The following RBFOX1 variants were observed in gnomAD, a reference collection of about 807,000 sequenced individuals.
The protein encoded by RBFOX1 is RNA binding protein fox-1 homolog 1.
RBFOX1 carries 8 observed loss-of-function variants against 57.7 expected under a neutral mutation model. The observed-to-expected ratio is 0.14, with a 90% CI of 0.08 to 0.25. The LOEUF (loss-of-function observed/expected upper bound fraction) is 0.25. RBFOX1 is among the 10% of genes least tolerant of loss of function. The pLI is 1.00. For missense variants in RBFOX1, 611 were observed against 548.5 expected, an observed-to-expected ratio of 1.11 and a Z score of -1.14; for synonymous variants, 326 against 222.4, an observed-to-expected ratio of 1.47 and a Z score of -4.15.
intron 2 of RBFOX1, among the ~76,000 whole-genome samples, chr16:6,431,900 T>TTGCTTGCTTG (rs1567258053): frequency 0.074 from 5,232 of 70,708 alleles, 100 homozygotes; most frequent in Admixed American, 0.088. Context: ...TTGCTTGCTT[T>TTGCTTGCTTG]CTTTCTTTCT....
At position 6,357,550 on chromosome 16, in the gene RBFOX1, G is replaced by C. The variant is rs536695825; in HGVS notation, c.-64+40493G>C. ...CTAGGTGGAGGTCGTCTGCACAAGCGCTCTCTCTCTTGCTTGCTCTCTCTC... is the reference window on the plus strand; with the variant it reads ...CTAGGTGGAGGTCGTCTGCACAAGCCCTCTCTCTCTTGCTTGCTCTCTCTC... On this transcript the variant is annotated intron_variant, in intron 2 of 15. Transcript: ENST00000550418. Among the ~76,000 whole-genome samples the C allele has an allele frequency of 4.0e-5, 6 of 151,448 alleles. No homozygotes were observed. In the East Asian group the frequency reaches 7.8e-4, roughly 20 times the overall value.
At chr16:5,264,643 T>C (rs763681041) in intron 1 of RBFOX1, among the ~76,000 whole-genome samples, 4 of 152,182 alleles carry the variant, frequency 2.6e-5, no homozygotes, top group Non-Finnish European at 4.4e-5. Context: ...TTGTCATGTA[T>C]CCAATTCTCC....
At chr16:7,559,618 T>C (rs1018203294) in intron 5 of RBFOX1, among the ~76,000 whole-genome samples, 2 of 152,226 alleles carry the variant, frequency 1.3e-5, no homozygotes, top group African/African-American at 4.8e-5. Context: ...CTCTGTCCTC[T>C]AAACAGTGAT....
chr16:7,560,271 C>T (rs938550543), intron 5 of RBFOX1, among the ~76,000 whole-genome samples: 2 of 152,330 alleles, frequency 1.3e-5, no homozygotes, highest in East Asian at 1.9e-4. Context: ...TTGGCTTACC[C>T]ACCCTCCCTA....
intron 3 of RBFOX1, among the ~76,000 whole-genome samples, chr16:5,778,546 G>C (rs1378516585): frequency 6.6e-6 from 1 of 152,172 alleles, no homozygotes. Context: ...GTGCCTGCTG[G>C]TTCAACCTGC....
chr16:7,650,501 T>C (rs1272661168), intron 11 of RBFOX1, among the ~76,000 whole-genome samples: 1 of 152,136 alleles, frequency 6.6e-6, no homozygotes, highest in African/African-American at 2.4e-5. Flanking sequence ...AAATCCATTT[T>C]CTCCCTGTAA....
intron 10 of RBFOX1, among the ~76,000 whole-genome samples, chr16:7,609,802 GTTTTGTTTGTTTGTTT>G (rs1485968492): frequency 1.5e-5 from 2 of 130,930 alleles, no homozygotes; most frequent in East Asian, 4.1e-4. Flanking sequence ...TACTGGTGGG[GTTTTGTTTGTTTGTTT>G]GTTTGTTTGT....
chr16:7,044,682 G>T (rs1239925559), intron 3 of RBFOX1, among the ~76,000 whole-genome samples: 1 of 150,688 alleles, frequency 6.6e-6, no homozygotes, highest in East Asian at 2.0e-4. Context: ...TATTGGTTTT[G>T]TGCATTACTG....
At chr16:5,958,576 T>A (rs977865266) in intron 4 of RBFOX1, among the ~76,000 whole-genome samples, 1 of 152,220 alleles carries the variant, frequency 6.6e-6, no homozygotes, top group African/African-American at 2.4e-5. Flanking sequence ...AGGATTTAAA[T>A]GAGATAATAC....
At chr16:6,683,640 A>G (rs1486354935) in intron 3 of RBFOX1, among the ~76,000 whole-genome samples, 3 of 152,188 alleles carry the variant, frequency 2.0e-5, no homozygotes, top group Non-Finnish European at 4.4e-5. Flanking sequence ...AACTGCATAG[A>G]CCAAATGGCT....
At chr16:5,473,410 CT>C (rs559137063) in intron 2 of RBFOX1, among the ~76,000 whole-genome samples, 2 of 150,532 alleles carry the variant, frequency 1.3e-5, no homozygotes, top group Admixed American at 6.6e-5. Flanking sequence ...GTTTTTTTTT[CT>C]TTTTTTCTTT....
At chr16:6,722,265 A>G (rs1568353356) in intron 3 of RBFOX1, among the ~76,000 whole-genome samples, 2 of 152,156 alleles carry the variant, frequency 1.3e-5, no homozygotes, top group Non-Finnish European at 1.5e-5. Context: ...ATTTCCACCC[A>G]CAGTGCCTAA....
At chr16:6,322,436 C>A (rs1253198068) in intron 2 of RBFOX1, among the ~76,000 whole-genome samples, 3 of 152,158 alleles carry the variant, frequency 2.0e-5, no homozygotes, top group African/African-American at 7.2e-5. Flanking sequence ...CTTGGTCTCA[C>A]CAGTTGGGAT....
intron 1 of RBFOX1, among the ~76,000 whole-genome samples, chr16:6,111,169 T>C (rs375334013): frequency 6.6e-6 from 1 of 152,102 alleles, no homozygotes. Flanking sequence ...AAGAATGATA[T>C]TCATAATTCT....
At chr16:6,473,680 T>C (rs570886172) in intron 2 of RBFOX1, among the ~76,000 whole-genome samples, 6 of 152,124 alleles carry the variant, frequency 3.9e-5, no homozygotes, top group Non-Finnish European at 7.4e-5. Context: ...ACATCCTCAC[T>C]TGCATTTTGC....
At position 5,982,115 on chromosome 16, in the gene RBFOX1, G is replaced by C. The variant is rs575789310; in HGVS notation, c.351+114780G>C. ...GGCACAGGGCCAGAAGCCTTATAATGGCCTGTCAGCTTCTGTGGCATGTGG... is the reference window on the plus strand; with the variant it reads ...GGCACAGGGCCAGAAGCCTTATAATCGCCTGTCAGCTTCTGTGGCATGTGG... On this transcript the variant is annotated intron_variant, in intron 4 of 19. Transcript: ENST00000641259. Among the ~76,000 whole-genome samples the C allele has an allele frequency of 7.9e-4, 120 of 152,230 alleles. 1 individual carries two copies. The highest frequency in any genetic ancestry group is 2.8e-3 in the African/African-American group (116 of 41,544).
chr16:5,731,986 C>T lies in RBFOX1; in HGVS notation c.318+133025C>T, dbSNP rs553358619. 5.9e-5 allele frequency among the ~76,000 whole-genome samples: 9 copies of T among 152,272 alleles called. No individual in the cohort carries two copies. In the South Asian group the frequency reaches 1.7e-3, roughly 28 times the overall value. ...GCTTAATGAATCTAGAATTCTCCAC[C>T]CCATATCAGTGAGCTGGGCATCCCC... On this transcript the variant is annotated intron_variant, in intron 3 of 19. Transcript: ENST00000641259.
At chr16:5,380,716 G>A (rs1331007619) in intron 1 of RBFOX1, among the ~76,000 whole-genome samples, 1 of 152,182 alleles carries the variant, frequency 6.6e-6, no homozygotes, top group Non-Finnish European at 1.5e-5. Context: ...GTTGTCCAAA[G>A]ACACACGTCT....
chr16:6,064,979 C>G (rs967231684), intron 1 of RBFOX1, among the ~76,000 whole-genome samples: 2 of 151,644 alleles, frequency 1.3e-5, no homozygotes, highest in African/African-American at 4.8e-5. Flanking sequence ...AAAAAAAAAA[C>G]CTCCCTACGT....
Sources: gnomAD v4.1 joint callset for allele counts (sites outside exome capture counted in the v4.1 genomes callset) on GRCh38, gnomAD v4.1.1 for gene constraint, MANE v1.5 for transcripts, NCBI Gene and HGNC (gene_info 2026-07-23, HGNC 2026-07-21) for gene names.